SNRNP48: variants seen among roughly 807,000 people sequenced by gnomAD.
SNRNP48 encodes the protein U11/U12 small nuclear ribonucleoprotein 48 kDa protein.
In SNRNP48, 43 loss-of-function variants were observed where a neutral mutation model predicts 47.0. The observed-to-expected ratio is 0.92, with a 90% CI of 0.72 to 1.18. The LOEUF is 1.18. Ranked by LOEUF, SNRNP48 falls within the 50% of genes most tolerant of loss-of-function variation. The pLI is 0.00. For synonymous variants in SNRNP48, 138 were observed against 144.0 expected (o/e 0.96, Z 0.30); for missense variants, 396 against 422.2 (o/e 0.94, Z 0.54).
intron 1 of SNRNP48, among the ~76,000 whole-genome samples, chr6:7,593,288 G>A (rs893421843): frequency 4.6e-5 from 7 of 152,086 alleles, no homozygotes; most frequent in African/African-American, 1.7e-4. Context: ...CAGAGAGGTA[G>A]AAAGAACATG....
intron 4 of SNRNP48, among the ~76,000 whole-genome samples, chr6:7,597,075 T>C (rs1759916506): frequency 6.6e-6 from 1 of 152,218 alleles, no homozygotes; most frequent in Non-Finnish European, 1.5e-5. Context: ...TAAAGCTCTT[T>C]TATGAATTAC....
rs575272022 is a variant in SNRNP48, at chr6:7,598,056, A to G, written c.406+2955A>G. On this transcript the variant is annotated intron_variant, in intron 4 of 8. Transcript: ENST00000342415. ...ATTTTCTTGTATTTTTTTAGTAGAG[A>G]CGGGGTTTCACTGTGTTAGCCACGA... Among the ~76,000 whole-genome samples, 3 of 151,168 alleles carry G rather than the reference A, an allele frequency of 2.0e-5. No individual in the cohort carries two copies. In the East Asian group the frequency reaches 5.9e-4, roughly 30 times the overall value.
chr6:7,605,637 G>C (rs894083977), intron 7 of SNRNP48, 151 bp downstream of exon 7: 14 of 718,562 alleles, frequency 1.9e-5, no homozygotes, highest in Non-Finnish European at 2.8e-5. Flanking sequence ...TCAGTGCCCA[G>C]GGTTATTGTA....
intron 5 of SNRNP48, 40 bp from the exon 6 acceptor site, chr6:7,602,583 C>A (rs748704338): frequency 6.9e-7 from 1 of 1,438,954 alleles, no homozygotes; most frequent in Admixed American, 2.3e-5. Context: ...AATTTAAAAG[C>A]TTTGAAGGAT....
At chr6:7,594,023 T>C in intron 2 of SNRNP48, 76 bp from the exon 3 acceptor site, 1 of 1,015,558 alleles carries the variant, frequency 9.8e-7, no homozygotes. Flanking sequence ...TAAGTGATAC[T>C]AATCTATTGT....
rs1220620662 is a variant in SNRNP48, at chr6:7,611,435, G to A, written c.*2562G>A. 1 of 152,204 alleles carries A rather than the reference G, an allele frequency of 6.6e-6. No homozygotes were observed. The highest frequency in any genetic ancestry group is 6.5e-5 in the Admixed American group (1 of 15,276). The allele number at this position is 152,204 out of a possible 1,614,324, so 9.4% of individuals were successfully genotyped here. A position where few individuals can be genotyped will look rare whatever the true frequency, so the allele number is the denominator to read the frequency against. Reference sequence around the variant, plus strand: ...AAGCTCCTGGCCTCGGCCTCCTAAAGTGCTGGGATTACAAGTGTGAGCCAC... The same window carrying A: ...AAGCTCCTGGCCTCGGCCTCCTAAAATGCTGGGATTACAAGTGTGAGCCAC... On this transcript the variant is annotated 3_prime_UTR_variant, in exon 9 of 9. Coordinates refer to ENST00000342415, the MANE Select transcript of SNRNP48 (RefSeq NM_152551.4).
intron 1 of SNRNP48, among the ~76,000 whole-genome samples, chr6:7,590,694 G>A (rs1759801025): frequency 1.3e-5 from 2 of 152,230 alleles, no homozygotes; most frequent in Admixed American, 1.3e-4. Context: ...AAGAAAACCG[G>A]GGGCCGGGCG....
intron 5 of SNRNP48, 38 bp downstream of exon 5, chr6:7,601,562 A>G: frequency 2.0e-6 from 3 of 1,493,754 alleles, no homozygotes; most frequent in East Asian, 4.9e-5. Flanking sequence ...TTTCTTCATT[A>G]TCATTTTATT....
chr6:7,600,310 C>A, intron 4 of SNRNP48: 2 of 627,440 alleles, frequency 3.2e-6, no homozygotes, highest in Non-Finnish European at 4.0e-6. Context: ...ATTCTTTTTG[C>A]CTCTACCTAG....
intron 1 of SNRNP48, 44 bp downstream of exon 1, chr6:7,590,457 G>C: frequency 7.9e-7 from 1 of 1,268,088 alleles, no homozygotes; most frequent in Admixed American, 4.2e-5. Flanking sequence ...CTATCGGCCC[G>C]GGGTCTTCTC....
chr6:7,592,727 GCA>G (rs1759839915), intron 1 of SNRNP48, among the ~76,000 whole-genome samples: 1 of 152,164 alleles, frequency 6.6e-6, no homozygotes, highest in Non-Finnish European at 1.5e-5. Context: ...AAGACTGGAA[GCA>G]GAGAGAGAGA....
chr6:7,593,677 A>G (rs1188140767), intron 1 of SNRNP48, 57 bp from the exon 2 acceptor site: 1 of 1,094,780 alleles, frequency 9.1e-7, no homozygotes, highest in Non-Finnish European at 1.3e-6. Context: ...ATTTAATGGT[A>G]ATTATTTATT....
At position 7,611,915 on chromosome 6, in the gene SNRNP48, T is replaced by C. The variant is rs1226731824; in HGVS notation, c.*3042T>C. The C allele has an allele frequency of 6.6e-6, 1 of 152,244 alleles. No individual in the cohort carries two copies. The highest frequency in any genetic ancestry group is 2.4e-5 in the African/African-American group (1 of 41,474). The allele number at this position is 152,244 out of a possible 1,614,324, so 9.4% of individuals were successfully genotyped here. On this transcript the variant is annotated 3_prime_UTR_variant, in exon 9 of 9. Transcript: ENST00000342415. ...ATGTAGCTTGCTTTTTCATTTGCTA[T>C]AATTGATCCTGCAGGTGTGTGAATT...
chr6:7,605,891 G>A (rs1209374531), intron 7 of SNRNP48, 140 bp from the exon 8 acceptor site: 13 of 941,424 alleles, frequency 1.4e-5, no homozygotes, highest in South Asian at 3.9e-5. Flanking sequence ...CTTTTATATG[G>A]GTTATAAGAT....
In SNRNP48 at chr6:7,590,272, T is replaced by C. The variant is rs770653584; in HGVS notation, c.15T>C (p.Pro5=). The part of the protein sequence containing the change: MEGE[P]PPVEERRRLQ... Reference sequence around the variant, plus strand: ...GGGCTGCAGCTATGGAGGGCGAGCCTCCACCTGTGGAGGAGCGGCGGCGGC... The same window carrying C: ...GGGCTGCAGCTATGGAGGGCGAGCCCCCACCTGTGGAGGAGCGGCGGCGGC... The change falls in exon 1 of 9, where the codon CCT becomes CCC. Residue 5 remains proline, a synonymous_variant. Coordinates refer to ENST00000342415, the MANE Select transcript of SNRNP48 (RefSeq NM_152551.4). 548 of 1,355,494 alleles carry C rather than the reference T, an allele frequency of 4.0e-4. 1 individual carries two copies. Among genetic ancestry groups the C allele is most frequent in the Non-Finnish European group, 4.1e-4 (426 of 1,042,972 alleles). The allele number at this position is 1,355,494 out of a possible 1,614,324, so 84.0% of individuals were successfully genotyped here.
Position 7,601,362 on chromosome 6 carries a change from G to A in SNRNP48, c.433G>A (p.Val145Ile). The change falls in exon 5 of 9, where the codon GTT (valine) becomes ATT (isoleucine). Residue 145 changes from valine to isoleucine, a missense_variant. Transcript: ENST00000342415. ...AATTTATTCTTCATTGCCTGTTGAA[G>A]TTCCTTTGAATCACAAACGGTTTGT... ...QRIYSSLPVE[V>I]PLNHKRFVCD... The A allele has an allele frequency of 6.4e-7, 1 of 1,574,718 alleles. No individual in the cohort carries two copies. Among genetic ancestry groups the A allele is most frequent in the Non-Finnish European group, 8.5e-7 (1 of 1,169,922 alleles).
chr6:7,608,847 CATAAA>C lies in SNRNP48; in HGVS notation c.996_1000del (p.His332GlnfsTer21), dbSNP rs1248350619. On this transcript the variant is annotated frameshift_variant, in exon 9 of 9. Coordinates refer to ENST00000342415, the MANE Select transcript of SNRNP48 (RefSeq NM_152551.4). LOFTEE classifies it high-confidence loss of function. ...CAGGGATGGGGAAAGACACCATAGT[CATAAA>C]AGAAGAAAGCAAAAAATATAAATGA... The C allele has an allele frequency of 1.3e-6, 2 of 1,521,602 alleles. No individual in the cohort carries two copies. The highest frequency in any genetic ancestry group is 1.8e-6 in the Non-Finnish European group (2 of 1,118,596). The allele number at this position is 1,521,602 out of a possible 1,614,324, so 94.3% of individuals were successfully genotyped here.
chr6:7,599,434 AT>A (rs1189197417), intron 4 of SNRNP48, among the ~76,000 whole-genome samples: 1 of 152,162 alleles, frequency 6.6e-6, no homozygotes, highest in Non-Finnish European at 1.5e-5. Context: ...TGTTATATAT[AT>A]TTTGCCACAA....
At chr6:7,604,105 A>G (rs983950945) in intron 6 of SNRNP48, among the ~76,000 whole-genome samples, 1 of 152,142 alleles carries the variant, frequency 6.6e-6, no homozygotes, top group African/African-American at 2.4e-5. Flanking sequence ...ACTCTTGCCT[A>G]TGTGGTGGAG....
Sources: allele counts gnomAD v4.1 joint callset (sites outside exome capture counted in the v4.1 genomes callset), GRCh38; gene constraint gnomAD v4.1.1; transcripts MANE v1.5; gene names NCBI Gene and HGNC (gene_info 2026-07-23, HGNC 2026-07-21).